MAPK10: variants seen among roughly 807,000 people sequenced by gnomAD.
MAPK10 encodes the protein mitogen-activated protein kinase 10, also known as JNK3 alpha protein kinase.
A neutral mutation model predicts 59.3 loss-of-function variants in MAPK10; 25 were observed. The ratio of observed to expected loss-of-function variants is 0.42; its 90% CI spans 0.31 to 0.59. The LOEUF (loss-of-function observed/expected upper bound fraction) is 0.59, where lower values mean the gene tolerates loss of function less well. Ranked by LOEUF, MAPK10 falls within the 20% of genes least tolerant of loss-of-function variation. The pLI, the probability that MAPK10 is intolerant of heterozygous loss-of-function variation, is 0.15. For synonymous variants in MAPK10, 190 were observed against 200.5 expected (o/e 0.95, Z 0.44); for missense variants, 351 against 568.9 (o/e 0.62, Z 3.90).
chr4:86,396,852 G>A (rs1345998063), intron 1 of MAPK10, among the ~76,000 whole-genome samples: 1 of 151,884 alleles, frequency 6.6e-6, no homozygotes, highest in Non-Finnish European at 1.5e-5. Flanking sequence ...CGTCAACACG[G>A]GAATAACATT....
intron 1 of MAPK10, among the ~76,000 whole-genome samples, chr4:86,552,325 G>A (rs924434142): frequency 1.3e-5 from 2 of 151,836 alleles, no homozygotes; most frequent in Admixed American, 6.6e-5. Context: ...GGAGGCTAAG[G>A]TGGGAGGACT....
At chr4:86,048,126 G>T (rs10031752) in intron 11 of MAPK10, among the ~76,000 whole-genome samples, 34,623 of 151,876 alleles carry the variant, frequency 0.23, 4,145 homozygotes, top group South Asian at 0.26. Flanking sequence ...GAAGTGCTCA[G>T]CAGAGTACAG....
rs899037881 is a variant in MAPK10 at position 86,264,674 on chromosome 4, G to T, written c.-6-70267C>A. Among the ~76,000 whole-genome samples the T allele has an allele frequency of 4.6e-5, 7 of 152,064 alleles. No individual in the cohort carries two copies. In the East Asian group the frequency reaches 1.3e-3, roughly 29 times the overall value. ...TTAATTTACAGTGAGATTTGTTTTT[G>T]TTTTTTCCTGATTCTGATAAAGGAC... On this transcript the variant is annotated intron_variant, in intron 2 of 13. Coordinates refer to ENST00000641462, the MANE Select transcript of MAPK10 (RefSeq NM_138982.4).
intron 4 of MAPK10, among the ~76,000 whole-genome samples, chr4:86,109,737 T>C (rs2057156690): frequency 6.6e-6 from 1 of 152,208 alleles, no homozygotes; most frequent in Non-Finnish European, 1.5e-5. Flanking sequence ...TTATATTCCT[T>C]TGGGTATATA....
intron 2 of MAPK10, among the ~76,000 whole-genome samples, chr4:86,312,893 ATGTG>A (rs2095698443): frequency 6.6e-6 from 1 of 152,120 alleles, no homozygotes; most frequent in South Asian, 2.1e-4. Flanking sequence ...ACACAAAGCT[ATGTG>A]TACTTTTGGC....
intron 2 of MAPK10, among the ~76,000 whole-genome samples, chr4:86,348,186 A>G (rs1392107519): frequency 1.3e-5 from 2 of 152,114 alleles, no homozygotes; most frequent in Admixed American, 6.6e-5. Context: ...TTAAGGCTCT[A>G]TTTAGGTCCA....
In MAPK10 at chr4:86,438,899, A is replaced by G. The variant is rs935983299; in HGVS notation, c.-122+14131T>C. ...GCCACTGGGGAGCCCCGTGACTCCC[A>G]GGAATGGGCCTACTTTAGTATCCCA... On this transcript the variant is annotated intron_variant, in intron 1 of 13. Transcript: ENST00000361569. Among the ~76,000 whole-genome samples the G allele has an allele frequency of 2.6e-5, 4 of 152,124 alleles. No individual in the cohort carries two copies. The East Asian group carries it at 7.7e-4, about 29-fold the overall frequency.
intron 11 of MAPK10, among the ~76,000 whole-genome samples, chr4:86,041,307 C>T (rs1179135165): frequency 6.6e-6 from 1 of 152,148 alleles, no homozygotes; most frequent in Non-Finnish European, 1.5e-5. Context: ...AGACTCGTTC[C>T]TTACACCTTA....
At chr4:86,466,589 A>C (rs1037118428) in intron 1 of MAPK10, among the ~76,000 whole-genome samples, 5 of 152,242 alleles carry the variant, frequency 3.3e-5, no homozygotes, top group African/African-American at 1.2e-4. Flanking sequence ...TAATAAAATT[A>C]GATCTCTATC....
chr4:86,342,345 C>T (rs974955758), intron 2 of MAPK10, among the ~76,000 whole-genome samples: 1 of 152,130 alleles, frequency 6.6e-6, no homozygotes, highest in East Asian at 1.9e-4. Context: ...CTTCATCTTG[C>T]CTTTTTGGAA....
intron 1 of MAPK10, among the ~76,000 whole-genome samples, chr4:86,432,370 G>A (rs747915564): frequency 5.9e-5 from 9 of 152,168 alleles, no homozygotes; most frequent in Non-Finnish European, 5.9e-5. Context: ...CATCTCCTGG[G>A]TTCAAGTGAT....
intron 1 of MAPK10, among the ~76,000 whole-genome samples, chr4:86,520,203 A>G (rs1757011469): frequency 6.6e-6 from 1 of 152,200 alleles, no homozygotes; most frequent in African/African-American, 2.4e-5. Context: ...TATTCCCTCA[A>G]ATAAGCTTTC....
At chr4:86,296,791 A>T (rs1312678568) in intron 2 of MAPK10, among the ~76,000 whole-genome samples, 3 of 152,170 alleles carry the variant, frequency 2.0e-5, no homozygotes, top group Non-Finnish European at 4.4e-5. Context: ...TAATGATGAG[A>T]ATTTCTTATA....
intron 1 of MAPK10, among the ~76,000 whole-genome samples, chr4:86,536,763 C>A (rs1578034253): frequency 6.6e-6 from 1 of 152,148 alleles, no homozygotes; most frequent in African/African-American, 2.4e-5. Context: ...GTAAAATTAT[C>A]TTTAAATCAT....
upstream of MAPK10, among the ~76,000 whole-genome samples, chr4:86,454,809 T>G (rs1231199957): frequency 1.3e-5 from 2 of 152,058 alleles, no homozygotes; most frequent in Non-Finnish European, 2.9e-5. Context: ...AAAAAGGTTA[T>G]CACCTAGGCA....
intron 11 of MAPK10, among the ~76,000 whole-genome samples, chr4:86,045,348 C>T (rs986797057): frequency 1.2e-4 from 19 of 152,050 alleles, no homozygotes; most frequent in African/African-American, 3.6e-4. Context: ...TTTCTTCATT[C>T]GTTCATTTAA....
intron 2 of MAPK10, among the ~76,000 whole-genome samples, chr4:86,217,673 T>C (rs529868682): frequency 3.3e-5 from 5 of 152,344 alleles, no homozygotes; most frequent in African/African-American, 1.2e-4. Context: ...ATGTGAATTA[T>C]ACATGGTCTT....
At chr4:86,433,329 T>G (rs1235164584) in intron 1 of MAPK10, among the ~76,000 whole-genome samples, 1 of 152,032 alleles carries the variant, frequency 6.6e-6, no homozygotes, top group Non-Finnish European at 1.5e-5. Flanking sequence ...TTTTAGGCCC[T>G]CCAGGACCCC....
chr4:86,391,842 T>G (rs749832274), intron 1 of MAPK10, among the ~76,000 whole-genome samples: 30 of 152,308 alleles, frequency 2.0e-4, no homozygotes, highest in Non-Finnish European at 3.4e-4. Flanking sequence ...CCAGGACAAA[T>G]AGCCCTTTCA....
Sources: gnomAD v4.1 joint callset for allele counts (sites outside exome capture counted in the v4.1 genomes callset) on GRCh38, gnomAD v4.1.1 for gene constraint, MANE v1.5 for transcripts, NCBI Gene and HGNC (gene_info 2026-07-23, HGNC 2026-07-21) for gene names.